The following TENM2 variants were observed in gnomAD, a reference collection of about 807,000 sequenced individuals.
TENM2 encodes the protein teneurin transmembrane protein 2, also known as teneurin-2.
TENM2 carries 52 observed loss-of-function variants against 245.2 expected under a neutral mutation model. The ratio of observed to expected loss-of-function variants is 0.21; its 90% CI spans 0.17 to 0.27. The LOEUF is 0.27. Among genes scored for constraint, TENM2 ranks in the 10% least tolerant of loss-of-function variants. The pLI, the probability that TENM2 is intolerant of heterozygous loss-of-function variation, is 1.00. For missense variants in TENM2, 3,046 were observed against 3,666.8 expected (o/e 0.83, Z 4.37); for synonymous variants, 1,363 against 1,438.9 (o/e 0.95, Z 1.19).
chr5:167,787,134 G>A (rs770555105), intron 2 of TENM2, among the ~76,000 whole-genome samples: 1 of 152,136 alleles, frequency 6.6e-6, no homozygotes, highest in Non-Finnish European at 1.5e-5. Flanking sequence ...GTGTTCCAAG[G>A]AGCCATGAGA....
At chr5:167,022,107 T>C in the TENM2 span, among the ~76,000 whole-genome samples, 1 of 152,198 alleles carries the variant, frequency 6.6e-6, no homozygotes, top group Non-Finnish European at 1.5e-5. Flanking sequence ...ATTTCTTCTG[T>C]TCTTGAACTT....
chr5:167,720,061 A>G (rs933722659), intron 2 of TENM2, among the ~76,000 whole-genome samples: 3 of 152,188 alleles, frequency 2.0e-5, no homozygotes, highest in African/African-American at 7.2e-5. Context: ...TGTCTAATAA[A>G]CAGATTTCTT....
Position 167,343,975 on chromosome 5 carries a change from C to G in TENM2, c.227-31223C>G. Among the ~76,000 whole-genome samples, 3 of 151,830 alleles carry G rather than the reference C, an allele frequency of 2.0e-5. No homozygotes were observed. The South Asian group carries it at 6.2e-4, about 32-fold the overall frequency. On this transcript the variant is annotated intron_variant, in intron 1 of 28. Coordinates refer to ENST00000518659, the Ensembl canonical transcript of TENM2. ...AAAGGAAACTTAAAAACTCTCTCCTCTAACTAATTTGTCTTAATTTTGAAT... is the reference window on the plus strand; with the variant it reads ...AAAGGAAACTTAAAAACTCTCTCCTGTAACTAATTTGTCTTAATTTTGAAT...
At chr5:167,978,939 T>C (rs1299340028) in intron 4 of TENM2, among the ~76,000 whole-genome samples, 2 of 152,114 alleles carry the variant, frequency 1.3e-5, no homozygotes, top group Non-Finnish European at 2.9e-5. Flanking sequence ...GCTCCAGTCT[T>C]CTCCTAGAAA....
intron 5 of TENM2, among the ~76,000 whole-genome samples, chr5:168,030,437 G>A (rs537226591): frequency 4.1e-4 from 62 of 152,068 alleles, no homozygotes; most frequent in Admixed American, 3.9e-4. Flanking sequence ...GCATTCATCC[G>A]AATCACCTGG....
chr5:167,993,007 C>T, exon 5 of TENM2: 1 of 1,613,988 alleles, frequency 6.2e-7, no homozygotes, highest in Non-Finnish European at 8.5e-7. Context: ...CCCCGGGATA[C>T]CCTTTGACCT....
chr5:168,137,568 G>T (rs575293723), intron 12 of TENM2, among the ~76,000 whole-genome samples: 1 of 152,198 alleles, frequency 6.6e-6, no homozygotes, highest in Non-Finnish European at 1.5e-5. Context: ...AACTCAAAAC[G>T]GTGGCTTCTG....
At chr5:167,472,746 G>A (rs996744916) in intron 2 of TENM2, among the ~76,000 whole-genome samples, 2 of 152,276 alleles carry the variant, frequency 1.3e-5, no homozygotes, top group South Asian at 2.1e-4. Flanking sequence ...AGTTTAATTG[G>A]TTCTGCTATT....
the TENM2 span, among the ~76,000 whole-genome samples, chr5:167,084,789 A>G: frequency 6.6e-6 from 1 of 152,276 alleles, no homozygotes; most frequent in South Asian, 2.1e-4. Flanking sequence ...GTCAGTATCA[A>G]AGCCCTAACT....
At position 168,250,451 on chromosome 5, in the gene TENM2, G is replaced by A. The variant is rs112312925; in HGVS notation, c.7432+2080G>A. Among the ~76,000 whole-genome samples, 755 of 152,290 alleles carry A rather than the reference G, an allele frequency of 5.0e-3. 8 individuals carry two copies. The highest frequency in any genetic ancestry group is 0.017 in the Middle Eastern group (5 of 294). ...AGTTCCAGAAAACTCACAGCTCTTG[G>A]TCATGGGCCAAGGAGGCATCGACAC... On this transcript the variant is annotated intron_variant, in intron 27 of 28. Coordinates refer to ENST00000518659, the Ensembl canonical transcript of TENM2.
chr5:167,744,989 G>A (rs1761458291), intron 2 of TENM2, among the ~76,000 whole-genome samples: 2 of 152,090 alleles, frequency 1.3e-5, no homozygotes, highest in Admixed American at 6.6e-5. Flanking sequence ...ATGTGACACT[G>A]AGCACCAAGT....
intron 4 of TENM2, among the ~76,000 whole-genome samples, chr5:167,982,496 C>G (rs979583571): frequency 6.6e-6 from 1 of 152,146 alleles, no homozygotes; most frequent in Non-Finnish European, 1.5e-5. Flanking sequence ...CCTGTGGGCC[C>G]GCTTCTGTGT....
At chr5:167,298,374 G>C (rs148069534) in intron 1 of TENM2, among the ~76,000 whole-genome samples, 4 of 152,108 alleles carry the variant, frequency 2.6e-5, no homozygotes, top group African/African-American at 4.8e-5. Context: ...GAGGCCGAGG[G>C]GGGCGGATCA....
intron 3 of TENM2, among the ~76,000 whole-genome samples, chr5:167,905,507 T>C (rs1177438985): frequency 1.3e-5 from 2 of 152,138 alleles, no homozygotes; most frequent in Non-Finnish European, 2.9e-5. Context: ...GCTTAAAAAC[T>C]CCACAGGAGG....
chr5:167,371,948 TC>T (rs1760463957), intron 1 of TENM2, among the ~76,000 whole-genome samples: 1 of 152,178 alleles, frequency 6.6e-6, no homozygotes, highest in African/African-American at 2.4e-5. Flanking sequence ...CAGAACCTGT[TC>T]CAGGTATTAA....
intron 2 of TENM2, among the ~76,000 whole-genome samples, chr5:167,716,299 G>T (rs1759252354): frequency 6.6e-6 from 1 of 152,168 alleles, no homozygotes; most frequent in Non-Finnish European, 1.5e-5. Flanking sequence ...CCCACAATCT[G>T]CTAGTCTGCC....
intron 2 of TENM2, among the ~76,000 whole-genome samples, chr5:167,583,540 C>CAA (rs1775255296): frequency 6.9e-6 from 1 of 145,666 alleles, no homozygotes; most frequent in South Asian, 2.2e-4. Context: ...CAAAACAAAA[C>CAA]AAAAAACCTA....
chr5:167,934,542 C>A (rs1778543385), intron 3 of TENM2, among the ~76,000 whole-genome samples: 1 of 152,158 alleles, frequency 6.6e-6, no homozygotes, highest in South Asian at 2.1e-4. Context: ...AAAACAAGTA[C>A]CGATGTCAAG....
At chr5:167,292,857 G>A (rs1481720902) in intron 1 of TENM2, among the ~76,000 whole-genome samples, 1 of 152,222 alleles carries the variant, frequency 6.6e-6, no homozygotes. Flanking sequence ...CCCAGAAATT[G>A]TGGCATTCCT....
Sources: allele counts gnomAD v4.1 joint callset (sites outside exome capture counted in the v4.1 genomes callset), GRCh38; gene constraint gnomAD v4.1.1; transcripts MANE v1.5; gene names NCBI Gene and HGNC (gene_info 2026-07-23, HGNC 2026-07-21).